RAI14: variants seen among roughly 807,000 people sequenced by gnomAD.
RAI14 encodes ankycorbin.
A neutral mutation model predicts 115.4 loss-of-function variants in RAI14; 45 were observed. The observed-to-expected ratio is 0.39, with a 90% CI of 0.31 to 0.50. The LOEUF is 0.50. Ranked by LOEUF, RAI14 falls within the 20% of genes least tolerant of loss-of-function variation. The pLI, the probability that RAI14 is intolerant of heterozygous loss-of-function variation, is 0.85. For synonymous variants in RAI14, 371 were observed against 415.4 expected, an observed-to-expected ratio of 0.89 and a Z score of 1.30; for missense variants, 939 against 1,131.2, an observed-to-expected ratio of 0.83 and a Z score of 2.44.
chr5:34,661,154 C>G (rs1579841529), intron 1 of RAI14, among the ~76,000 whole-genome samples: 1 of 152,162 alleles, frequency 6.6e-6, no homozygotes, highest in Non-Finnish European at 1.5e-5. Flanking sequence ...GTTGAACATT[C>G]CTGATCCAAA....
intron 3 of RAI14, among the ~76,000 whole-genome samples, chr5:34,768,628 A>C (rs1205548313): frequency 6.6e-6 from 1 of 152,218 alleles, no homozygotes; most frequent in Non-Finnish European, 1.5e-5. Context: ...ATAATGCCCA[A>C]GTACCATTTC....
intron 13 of RAI14, among the ~76,000 whole-genome samples, chr5:34,820,590 T>C (rs1320114131): frequency 6.6e-6 from 1 of 152,142 alleles, no homozygotes; most frequent in Admixed American, 6.5e-5. Flanking sequence ...CCAGCTTGGG[T>C]GACAGAGCAA....
At position 34,706,936 on chromosome 5, in the gene RAI14, G is replaced by A. The variant is rs552665135; in HGVS notation, c.36+19981G>A. Among the ~76,000 whole-genome samples, 5 of 152,272 alleles carry A rather than the reference G, an allele frequency of 3.3e-5. No homozygotes were observed. In the South Asian group the frequency reaches 6.2e-4, roughly 19 times the overall value. ...AAGACCATCAAAACTTGCAGCTCTT[G>A]CCCTACCCCGCATCAAATTGCAGCA... On this transcript the variant is annotated intron_variant, in intron 2 of 17. Transcript: ENST00000265109.
At chr5:34,711,212 G>A (rs1741354799) in intron 2 of RAI14, among the ~76,000 whole-genome samples, 1 of 152,202 alleles carries the variant, frequency 6.6e-6, no homozygotes, top group African/African-American at 2.4e-5. Context: ...CAGGCGGGTT[G>A]AGTCCGAAAA....
At chr5:34,763,699 C>T (rs1206307111) in intron 3 of RAI14, among the ~76,000 whole-genome samples, 1 of 152,150 alleles carries the variant, frequency 6.6e-6, no homozygotes, top group African/African-American at 2.4e-5. Flanking sequence ...CAGAAGAGCT[C>T]ATGAGACACT....
intron 2 of RAI14, among the ~76,000 whole-genome samples, chr5:34,744,838 AT>A (rs548655028): frequency 6.6e-6 from 1 of 152,362 alleles, no homozygotes; most frequent in South Asian, 2.1e-4. Context: ...AAATCAAGGC[AT>A]TGGCAAGGCC....
rs917582357 is a variant in RAI14, at chr5:34,803,879, A to G, written c.321+103A>G. 6 of 1,016,932 alleles carry G rather than the reference A, an allele frequency of 5.9e-6. No homozygotes were observed. In the African/African-American group the frequency reaches 6.5e-5, roughly 11 times the overall value. The allele number at this position is 1,016,932 out of a possible 1,614,324, so 63.0% of individuals were successfully genotyped here. ...CACACCCTCCATACACACTCCTTTA[A>G]ATACTGTCCCCAAACCTGTGTTTCC... On this transcript the variant is annotated intron_variant, in intron 5 of 17. Transcript: ENST00000265109.
intron 2 of RAI14, among the ~76,000 whole-genome samples, chr5:34,695,096 C>T (rs1022532178): frequency 4.6e-5 from 7 of 152,058 alleles, no homozygotes; most frequent in African/African-American, 9.7e-5. Flanking sequence ...GAGAGGGTTT[C>T]GCCATGTTGC....
intron 10 of RAI14, 47 bp downstream of exon 10, chr5:34,812,255 G>A: frequency 1.3e-6 from 2 of 1,505,706 alleles, no homozygotes; most frequent in Middle Eastern, 1.8e-4. Context: ...ATGCTTGTGG[G>A]AATTTAAAAA....
chr5:34,808,508 T>G, intron 6 of RAI14, 76 bp from the exon 7 acceptor site: 3 of 1,331,314 alleles, frequency 2.3e-6, no homozygotes, highest in Non-Finnish European at 3.2e-6. Flanking sequence ...GAACATTTCC[T>G]TCCTGAAGTA....
intron 2 of RAI14, chr5:34,733,377 A>G (rs1744435603): frequency 6.6e-6 from 1 of 152,202 alleles, no homozygotes; most frequent in Non-Finnish European, 1.5e-5. Context: ...TATGCATTTA[A>G]CCATATTTGA....
chr5:34,702,217 C>T (rs1740166372), intron 2 of RAI14, among the ~76,000 whole-genome samples: 1 of 152,214 alleles, frequency 6.6e-6, no homozygotes, highest in African/African-American at 2.4e-5. Context: ...AGACAACCTC[C>T]TCCTAGCTAG....
chr5:34,659,829 A>G (rs1290652294), intron 1 of RAI14, among the ~76,000 whole-genome samples: 1 of 152,188 alleles, frequency 6.6e-6, no homozygotes, highest in African/African-American at 2.4e-5. Context: ...TTAAATTCTA[A>G]GAAGATTACA....
At chr5:34,784,266 T>TTG (rs1375740963) in intron 3 of RAI14, among the ~76,000 whole-genome samples, 1 of 152,192 alleles carries the variant, frequency 6.6e-6, no homozygotes, top group Non-Finnish European at 1.5e-5. Context: ...CTGGAAAACT[T>TTG]TATCTTTTGA....
At chr5:34,701,301 C>G (rs1446695630) in intron 2 of RAI14, among the ~76,000 whole-genome samples, 2 of 152,134 alleles carry the variant, frequency 1.3e-5, no homozygotes, top group Non-Finnish European at 2.9e-5. Flanking sequence ...TTTGAAATGG[C>G]CCTGCAAAGC....
chr5:34,740,868 A>C (rs556892632), intron 2 of RAI14, among the ~76,000 whole-genome samples: 2 of 152,362 alleles, frequency 1.3e-5, no homozygotes, highest in East Asian at 3.9e-4. Flanking sequence ...GGCTATAACA[A>C]ATATGCCCTT....
At chr5:34,739,947 GCTACTTGGGAGGCA>G (rs1745300263) in intron 2 of RAI14, among the ~76,000 whole-genome samples, 5 of 152,112 alleles carry the variant, frequency 3.3e-5, no homozygotes, top group Non-Finnish European at 7.4e-5. Flanking sequence ...TGTAATCCCA[GCTACTTGGGAGGCA>G]GGAGGCAGGA....
At chr5:34,690,743 C>G (rs1377168335) in intron 2 of RAI14, among the ~76,000 whole-genome samples, 1 of 148,912 alleles carries the variant, frequency 6.7e-6, no homozygotes, top group Non-Finnish European at 1.5e-5. Flanking sequence ...AGATAACCCA[C>G]AGAGAATAAA....
rs535117019 is a variant in RAI14 at position 34,827,861 on chromosome 5, A to T, written c.2799+1382A>T. ...TGCCCTCAAGGAGTTTATACTCTAT[A>T]TAAGTTATCAGCAAAGAGATGCCCA... is the stretch of plus-strand genomic sequence containing the variant. On this transcript the variant is annotated intron_variant, in intron 16 of 17. Coordinates refer to ENST00000265109, the MANE Select transcript of RAI14 (RefSeq NM_015577.3). This position sits in a 1 kb window ranked among gnomAD's most constrained non-coding sequence, Gnocchi z 4.2. 1.3e-4 allele frequency among the ~76,000 whole-genome samples: 20 copies of T among 152,232 alleles called. No homozygotes were observed. The highest frequency in any genetic ancestry group is 2.8e-4 in the Non-Finnish European group (19 of 68,044).
Sources: gnomAD v4.1 joint callset for allele counts (sites outside exome capture counted in the v4.1 genomes callset) on GRCh38, gnomAD v4.1.1 for gene constraint, Gnocchi (gnomAD v3.1) non-coding constraint, MANE v1.5 for transcripts, NCBI Gene and HGNC (gene_info 2026-07-23, HGNC 2026-07-21) for gene names.